The following ITGAE variants were observed in gnomAD, a reference collection of about 807,000 sequenced individuals.
The protein encoded by ITGAE is integrin subunit alpha E, also known as integrin alpha-E.
A neutral mutation model predicts 136.5 loss-of-function variants in ITGAE; 99 were observed. That is an observed-to-expected ratio of 0.73 (90% confidence interval 0.62 to 0.86). ITGAE has a LOEUF of 0.86. Among genes scored for constraint, ITGAE ranks in the 40% least tolerant of loss-of-function variants. ITGAE has a pLI of 0.00. For synonymous variants in ITGAE, 613 were observed against 591.8 expected, an observed-to-expected ratio of 1.04 and a Z score of -0.52; for missense variants, 1,447 against 1,515.3, an observed-to-expected ratio of 0.95 and a Z score of 0.75.
intron 1 of ITGAE, among the ~76,000 whole-genome samples, chr17:3,789,070 A>G (rs1217596158): frequency 6.6e-6 from 1 of 151,612 alleles, no homozygotes; most frequent in African/African-American, 2.4e-5. Context: ...ATACAGTGAG[A>G]CTCCGTTTCT....
chr17:3,784,403 CTT>C, intron 1 of ITGAE: 13 of 231,054 alleles, frequency 5.6e-5, no homozygotes, highest in South Asian at 1.4e-4. Flanking sequence ...AAACATTTTT[CTT>C]TTTTTTTTGA....
rs939701597 is a variant in ITGAE at position 3,799,070 on chromosome 17, G to A, written c.34+2041C>T. Among the ~76,000 whole-genome samples, 11 of 152,134 alleles carry A rather than the reference G, an allele frequency of 7.2e-5. No individual in the cohort carries two copies. The highest frequency in any genetic ancestry group is 1.2e-4 in the African/African-American group (5 of 41,414). On this transcript the variant is annotated intron_variant, in intron 1 of 30. Coordinates refer to ENST00000263087, the MANE Select transcript of ITGAE (RefSeq NM_002208.5). This position sits in a 1 kb window ranked among gnomAD's most constrained non-coding sequence, Gnocchi z 4.1. The stretch of plus-strand genomic sequence containing the variant: ...TCTCCAGCCTAAGGAGGCCCAACCC[G>A]GCACAGGGTACAGGGTGCTGGGCCT...
rs562364542 is a variant in ITGAE, at chr17:3,724,234, G to C, written c.3085-490C>G. ...CCCAGCCTGACCGTGACCCCAAAGCGCTGGAAGCTGCGAGCTCGCCCAAGC... is the reference window on the plus strand; with the variant it reads ...CCCAGCCTGACCGTGACCCCAAAGCCCTGGAAGCTGCGAGCTCGCCCAAGC... On this transcript the variant is annotated intron_variant, in intron 26 of 30. Transcript: ENST00000263087. 2.5e-5 allele frequency: 40 copies of C among 1,593,214 alleles called. No homozygotes were observed. The African/African-American group carries it at 3.9e-4, about 15-fold the overall frequency.
chr17:3,722,808 T>C (rs1279563603), intron 28 of ITGAE, among the ~76,000 whole-genome samples: 2 of 152,318 alleles, frequency 1.3e-5, no homozygotes, highest in East Asian at 3.9e-4. Context: ...GTTTGTTATT[T>C]TTAATAAGCA....
intron 1 of ITGAE, among the ~76,000 whole-genome samples, chr17:3,789,035 C>T (rs986874126): frequency 2.0e-5 from 3 of 151,852 alleles, no homozygotes; most frequent in Admixed American, 6.6e-5. Flanking sequence ...CACTTACACT[C>T]GGGAGCTCAA....
Position 3,763,874 on chromosome 17 carries a change from G to A in ITGAE, c.242C>T (p.Pro81Leu). The change falls in exon 3 of 31, where the codon CCT (proline) becomes CTT (leucine). Residue 81 changes from proline (P) to leucine (L), a missense_variant. This residue lies in a region of ITGAE where 310 missense variants were observed against 416.1 expected (regional missense o/e 0.74). Transcript: ENST00000263087. ...TGGAGTTGGGGCTGACTTACCTACA[G>A]GATGGCAAAGGATTTCATCCTGGAC... ...SLVQDEILCH[P>L]VEHVPIPKGR... The A allele has an allele frequency of 6.2e-7, 1 of 1,613,488 alleles. No homozygotes were observed. The highest frequency in any genetic ancestry group is 8.5e-7 in the Non-Finnish European group (1 of 1,179,520).
intron 1 of ITGAE, among the ~76,000 whole-genome samples, chr17:3,782,939 AC>A (rs1461213193): frequency 1.3e-5 from 2 of 152,188 alleles, no homozygotes; most frequent in Admixed American, 6.6e-5. Flanking sequence ...ATCATATGGA[AC>A]AAATCTGCGT....
In ITGAE at chr17:3,757,833, C is replaced by T; in HGVS notation, c.893G>A (p.Gly298Asp). The change falls in exon 9 of 31, where the codon GGC becomes GAC. Residue 298 changes from glycine to aspartate, a missense_variant. Coordinates refer to ENST00000263087, the MANE Select transcript of ITGAE (RefSeq NM_002208.5). ...VLDSIFTSSHGSRRKASKVMV... is the reference protein window; with the variant it reads ...VLDSIFTSSHDSRRKASKVMV... ...GACCTTGGATGCCTTTCTCCTGGAG[C>T]CGTGGCTTGAGGTGAAGATGCTGTC... 6.2e-7 allele frequency: 1 copy of T among 1,614,116 alleles called. No individual in the cohort carries two copies. The highest frequency in any genetic ancestry group is 8.5e-7 in the Non-Finnish European group (1 of 1,180,020).
intron 26 of ITGAE, among the ~76,000 whole-genome samples, chr17:3,727,115 CA>C (rs34940884): frequency 0.15 from 22,821 of 147,282 alleles, 2,081 homozygotes; most frequent in Non-Finnish European, 0.21. Flanking sequence ...GTAGTCTGAG[CA>C]AAAAAAAAAT....
Position 3,753,936 on chromosome 17 carries a change from GGTGGT to G in ITGAE, c.1385-16_1385-12del. On this transcript the variant is annotated splice_polypyrimidine_tract_variant and intron_variant, in intron 12 of 30. Coordinates refer to ENST00000263087, the MANE Select transcript of ITGAE (RefSeq NM_002208.5). ...CGGCCACAGCGTAACCTGGGGCAAG[GGTGGT>G]GTGGCTGTGAACACACCGTGTGCTC... The G allele has an allele frequency of 4.3e-6, 7 of 1,613,230 alleles. No individual in the cohort carries two copies. Among genetic ancestry groups the G allele is most frequent in the Non-Finnish European group, 5.9e-6 (7 of 1,179,620 alleles).
At chr17:3,724,136 C>T (rs755898153) in intron 26 of ITGAE, 10 of 1,595,552 alleles carry the variant, frequency 6.3e-6, no homozygotes, top group Non-Finnish European at 8.5e-6. Flanking sequence ...ACGATCCCGA[C>T]GACCCCGACT....
intron 26 of ITGAE, chr17:3,724,709 G>A (rs1452080866): frequency 6.2e-7 from 1 of 1,614,246 alleles, no homozygotes. Flanking sequence ...AGGATTCTGA[G>A]TTTCGGGCAG....
intron 1 of ITGAE, among the ~76,000 whole-genome samples, chr17:3,790,580 C>T (rs1397817335): frequency 6.6e-6 from 1 of 152,076 alleles, no homozygotes; most frequent in Non-Finnish European, 1.5e-5. Flanking sequence ...AAAATCCTCA[C>T]AACTGCTTAG....
rs2052065403 is a variant in ITGAE, at chr17:3,757,771, G to T, written c.955C>A (p.Pro319Thr). Residue 319 changes from proline to threonine, a missense_variant, in exon 9 of 31, where the codon CCC becomes ACC. By Grantham distance (38) the Pro-to-Thr change is conservative (BLOSUM62 -1). Transcript: ENST00000263087. Reference protein sequence around the residue: ...VLTDGGIFEDPLNLTTVINSP... With the variant: ...VLTDGGIFEDTLNLTTVINSP... ...TTGATGACTGTCGTAAGGTTGAGGG[G>T]GTCCTCGAATATGCCACCATCGGTG... 3.7e-6 allele frequency: 6 copies of T among 1,613,958 alleles called. No individual in the cohort carries two copies. Among genetic ancestry groups the T allele is most frequent in the East Asian group, 4.5e-5 (2 of 44,894 alleles).
In ITGAE at chr17:3,720,419, G is replaced by A. The variant is rs767639573; in HGVS notation, c.3238-17C>T. 12 of 1,110,542 alleles carry A rather than the reference G, an allele frequency of 1.1e-5. No individual in the cohort carries two copies. In the South Asian group the frequency reaches 1.5e-4, roughly 14 times the overall value. 68.8% of individuals were successfully genotyped at this position (1,110,542 alleles called of 1,614,324 possible). A position where few individuals can be genotyped will look rare whatever the true frequency, so the allele number is the denominator to read the frequency against. On this transcript the variant is annotated splice_polypyrimidine_tract_variant and intron_variant, in intron 28 of 30. Coordinates refer to ENST00000263087, the MANE Select transcript of ITGAE (RefSeq NM_002208.5). The stretch of plus-strand genomic sequence containing the variant: ...TTTTAGTAACTAGAAGATGGGGAAA[G>A]GAATGAGGGAAACAAAACATATTTT...
At chr17:3,796,309 T>C (rs2053102670) in intron 1 of ITGAE, among the ~76,000 whole-genome samples, 2 of 152,096 alleles carry the variant, frequency 1.3e-5, no homozygotes, top group Admixed American at 6.6e-5. Context: ...CCCAACAGTT[T>C]GCCTTTGAGC....
intron 30 of ITGAE, among the ~76,000 whole-genome samples, chr17:3,715,980 C>A (rs1426582524): frequency 6.6e-6 from 1 of 152,048 alleles, no homozygotes; most frequent in Non-Finnish European, 1.5e-5. Flanking sequence ...TATGGTGAAA[C>A]CCCGTCTCTA....
chr17:3,724,099 GC>G, intron 26 of ITGAE: 1 of 1,594,450 alleles, frequency 6.3e-7, no homozygotes. Context: ...GCCAGCATCG[GC>G]GACCCCTCGC....
intron 10 of ITGAE, 74 bp from the exon 11 acceptor site, chr17:3,755,971 G>A (rs1048597137): frequency 3.5e-6 from 5 of 1,437,870 alleles, no homozygotes; most frequent in Non-Finnish European, 2.9e-6. Flanking sequence ...GGACAGTCCA[G>A]CTTGGCCTCA....
Sources: allele counts gnomAD v4.1 joint callset (sites outside exome capture counted in the v4.1 genomes callset), GRCh38; gene constraint gnomAD v4.1.1; regional missense constraint gnomAD v4.1.1; non-coding constraint Gnocchi (gnomAD v3.1); transcripts MANE v1.5; gene names NCBI Gene and HGNC (gene_info 2026-07-23, HGNC 2026-07-21).